CABCOCO1: variants seen among roughly 807,000 people sequenced by gnomAD.
The protein encoded by CABCOCO1 is ciliary associated calcium binding coiled-coil 1, also known as ciliary-associated calcium-binding coiled-coil protein 1.
Under a neutral mutation model 35.7 loss-of-function variants are expected in CABCOCO1, and 28 were observed. That is an observed-to-expected ratio of 0.78 (90% CI 0.58 to 1.07). CABCOCO1 has a LOEUF of 1.07. CABCOCO1 is among the 50% of genes least tolerant of loss of function. CABCOCO1 has a pLI of 0.00. For synonymous variants in CABCOCO1, 95 were observed against 100.1 expected, an observed-to-expected ratio of 0.95 and a Z score of 0.30; for missense variants, 326 against 309.2, an observed-to-expected ratio of 1.05 and a Z score of -0.41.
At chr10:61,698,425 G>C (rs145993335) in intron 5 of CABCOCO1, among the ~76,000 whole-genome samples, 1 of 152,012 alleles carries the variant, frequency 6.6e-6, no homozygotes, top group South Asian at 2.1e-4. Flanking sequence ...TTTTGAAAGC[G>C]GTTCTGTAGC....
At chr10:61,757,663 A>G (rs1841925002) in intron 5 of CABCOCO1, among the ~76,000 whole-genome samples, 2 of 150,000 alleles carry the variant, frequency 1.3e-5, no homozygotes, top group African/African-American at 2.5e-5. Flanking sequence ...GGAAGTTCCA[A>G]GTTTCCAAGT....
intron 2 of CABCOCO1, among the ~76,000 whole-genome samples, chr10:61,675,325 C>T (rs1029345283): frequency 3.9e-5 from 6 of 152,110 alleles, no homozygotes; most frequent in African/African-American, 1.4e-4. Flanking sequence ...CCTTCAGATG[C>T]CTCCCTACAT....
chr10:61,702,667 T>G (rs1380832948), intron 5 of CABCOCO1, among the ~76,000 whole-genome samples: 1 of 152,072 alleles, frequency 6.6e-6, no homozygotes, highest in Non-Finnish European at 1.5e-5. Flanking sequence ...CATACCAATG[T>G]TTTCATAGTG....
chr10:61,751,616 CT>C (rs1217999879), intron 5 of CABCOCO1, among the ~76,000 whole-genome samples: 2 of 152,228 alleles, frequency 1.3e-5, no homozygotes, highest in Non-Finnish European at 2.9e-5. Context: ...TAAATGTGTA[CT>C]CCAAATATTC....
chr10:61,754,864 T>G (rs1371066794), intron 5 of CABCOCO1, among the ~76,000 whole-genome samples: 1 of 152,120 alleles, frequency 6.6e-6, no homozygotes, highest in Non-Finnish European at 1.5e-5. Flanking sequence ...AAACTACCAG[T>G]ATGCTGTGGA....
At chr10:61,713,963 C>T (rs1840795999) in intron 5 of CABCOCO1, among the ~76,000 whole-genome samples, 2 of 151,512 alleles carry the variant, frequency 1.3e-5, no homozygotes, top group South Asian at 4.2e-4. Flanking sequence ...TATTGGTCTA[C>T]AATTCTCTTT....
intron 5 of CABCOCO1, among the ~76,000 whole-genome samples, chr10:61,707,066 C>T (rs746746501): frequency 2.0e-5 from 3 of 152,090 alleles, no homozygotes; most frequent in Non-Finnish European, 4.4e-5. Flanking sequence ...CAGGAGTGGC[C>T]TCAGGAAACT....
At chr10:61,756,886 A>G (rs1841907851) in intron 5 of CABCOCO1, among the ~76,000 whole-genome samples, 1 of 151,784 alleles carries the variant, frequency 6.6e-6, no homozygotes, top group Admixed American at 6.6e-5. Context: ...AACATATTAG[A>G]CTTTTGAGGA....
intron 5 of CABCOCO1, among the ~76,000 whole-genome samples, chr10:61,709,350 A>G (rs1388203211): frequency 6.6e-6 from 1 of 152,082 alleles, no homozygotes; most frequent in Non-Finnish European, 1.5e-5. Context: ...AAAGCTTAAA[A>G]TTAGATTATT....
chr10:61,679,402 T>C (rs564020454), intron 2 of CABCOCO1, among the ~76,000 whole-genome samples: 2 of 152,270 alleles, frequency 1.3e-5, no homozygotes, highest in African/African-American at 4.8e-5. Context: ...CAGGAACCCT[T>C]GTCTGCAATA....
intron 5 of CABCOCO1, among the ~76,000 whole-genome samples, chr10:61,697,708 A>T (rs1589128259): frequency 6.6e-6 from 1 of 152,226 alleles, no homozygotes; most frequent in Non-Finnish European, 1.5e-5. Flanking sequence ...ATTGTTCCTT[A>T]GTTCATTCCC....
At chr10:61,680,598 A>AG in intron 2 of CABCOCO1, among the ~76,000 whole-genome samples, 1 of 18,314 alleles carries the variant, frequency 5.5e-5, no homozygotes. Context: ...CATATGTTAT[A>AG]CATGTATAAC....
At chr10:61,679,528 T>A (rs1156301244) in intron 2 of CABCOCO1, among the ~76,000 whole-genome samples, 1 of 151,800 alleles carries the variant, frequency 6.6e-6, no homozygotes, top group Non-Finnish European at 1.5e-5. Flanking sequence ...CCTTACCAAT[T>A]AAAAAAAATA....
chr10:61,739,097 C>T (rs138337709), intron 5 of CABCOCO1, among the ~76,000 whole-genome samples: 147 of 152,206 alleles, frequency 9.7e-4, no homozygotes, highest in African/African-American at 3.3e-3. Flanking sequence ...CTACATTCTA[C>T]GGAAAACGAT....
At chr10:61,696,957 G>T (rs1564538910) in intron 5 of CABCOCO1, among the ~76,000 whole-genome samples, 2 of 151,996 alleles carry the variant, frequency 1.3e-5, no homozygotes, top group South Asian at 4.1e-4. Context: ...TCAAGGACCT[G>T]CAAAAAATAT....
intron 2 of CABCOCO1, among the ~76,000 whole-genome samples, chr10:61,674,233 TA>T (rs779563150): frequency 5.9e-5 from 9 of 152,198 alleles, no homozygotes; most frequent in Non-Finnish European, 1.3e-4. Context: ...GTTGAATATC[TA>T]AATTCTGAAC....
At chr10:61,748,994 T>C (rs758837268) in intron 5 of CABCOCO1, among the ~76,000 whole-genome samples, 1 of 152,222 alleles carries the variant, frequency 6.6e-6, no homozygotes, top group Non-Finnish European at 1.5e-5. Flanking sequence ...TTTAAAATTA[T>C]ATCAGCCATG....
At chr10:61,674,586 C>T (rs1473997104) in intron 2 of CABCOCO1, among the ~76,000 whole-genome samples, 1 of 152,022 alleles carries the variant, frequency 6.6e-6, no homozygotes, top group African/African-American at 2.4e-5. Flanking sequence ...TTCAAAATGA[C>T]AGAAATATAG....
chr10:61,680,386 AT>A (rs1564532155), intron 2 of CABCOCO1, among the ~76,000 whole-genome samples: 1 of 132,306 alleles, frequency 7.6e-6, no homozygotes, highest in Non-Finnish European at 1.6e-5. Context: ...ATAACATATA[AT>A]ATATATATTT....
Sources: allele counts gnomAD v4.1 joint callset (sites outside exome capture counted in the v4.1 genomes callset), GRCh38; gene constraint gnomAD v4.1.1; transcripts MANE v1.5; gene names NCBI Gene and HGNC (gene_info 2026-07-23, HGNC 2026-07-21).